Variants in SYNPR observed in about 807,000 individuals in gnomAD.
The protein encoded by SYNPR is synaptoporin.
A neutral mutation model predicts 32.9 loss-of-function variants in SYNPR; 23 were observed. The observed-to-expected ratio is 0.70, with a 90% CI of 0.50 to 0.99. SYNPR has a LOEUF of 0.99. Ranked by LOEUF, SYNPR falls within the 50% of genes least tolerant of loss-of-function variation. The pLI is 0.00. For synonymous variants in SYNPR, 146 were observed against 135.9 expected (o/e 1.07, Z -0.52); for missense variants, 318 against 349.3 (o/e 0.91, Z 0.71).
intron 2 of SYNPR, among the ~76,000 whole-genome samples, chr3:63,310,990 C>T (rs1387194432): frequency 1.2e-5 from 1 of 86,202 alleles, no homozygotes; most frequent in Non-Finnish European, 2.9e-5. Context: ...ACTCAGAAAA[C>T]ACATAGATGT....
intron 2 of SYNPR, among the ~76,000 whole-genome samples, chr3:63,471,194 T>C (rs1401965699): frequency 6.6e-6 from 1 of 152,194 alleles, no homozygotes. Context: ...TGAAATGGAA[T>C]GCAGGATGGA....
chr3:63,243,133 A>T (rs1308338742), intron 1 of SYNPR, among the ~76,000 whole-genome samples: 1 of 152,018 alleles, frequency 6.6e-6, no homozygotes, highest in African/African-American at 2.4e-5. Context: ...TAAAGTGAAT[A>T]TATGATATCT....
intron 3 of SYNPR, among the ~76,000 whole-genome samples, chr3:63,491,239 T>C (rs1297635751): frequency 6.6e-6 from 1 of 152,178 alleles, no homozygotes; most frequent in African/African-American, 2.4e-5. Flanking sequence ...AAACAAGTCA[T>C]TGCCCAAATC....
At chr3:63,448,702 C>T (rs1700325298) in intron 2 of SYNPR, among the ~76,000 whole-genome samples, 1 of 152,028 alleles carries the variant, frequency 6.6e-6, no homozygotes, top group Admixed American at 6.5e-5. Context: ...AGGATGCCTA[C>T]CATGTGCCAG....
intron 2 of SYNPR, among the ~76,000 whole-genome samples, chr3:63,343,424 G>T (rs2087394086): frequency 6.6e-6 from 1 of 152,204 alleles, no homozygotes; most frequent in South Asian, 2.1e-4. Flanking sequence ...TCTGTAAGAG[G>T]GTGGTGGTGT....
At chr3:63,451,621 T>A (rs1700381624) in intron 2 of SYNPR, among the ~76,000 whole-genome samples, 1 of 152,258 alleles carries the variant, frequency 6.6e-6, no homozygotes, top group East Asian at 1.9e-4. Flanking sequence ...TTACAGGACC[T>A]GGACCTTGCC....
chr3:63,444,154 G>A (rs189651797), intron 2 of SYNPR: 94 of 152,240 alleles, frequency 6.2e-4, no homozygotes, highest in African/African-American at 1.9e-3. Context: ...GCCCAGTCCG[G>A]GCTCCTGTGT....
intron 2 of SYNPR, among the ~76,000 whole-genome samples, chr3:63,333,198 C>T (rs1311615802): frequency 1.3e-5 from 2 of 151,978 alleles, no homozygotes; most frequent in African/African-American, 4.8e-5. Flanking sequence ...CTGATGAACT[C>T]TTCATTGATT....
chr3:63,442,372 C>T (rs952667944), intron 2 of SYNPR, among the ~76,000 whole-genome samples: 3 of 152,104 alleles, frequency 2.0e-5, no homozygotes, highest in African/African-American at 2.4e-5. Flanking sequence ...ATTCCCGCAC[C>T]GAGTGGGGAC....
intron 2 of SYNPR, among the ~76,000 whole-genome samples, chr3:63,363,521 A>G (rs548735315): frequency 5.9e-5 from 9 of 152,228 alleles, no homozygotes; most frequent in Non-Finnish European, 1.2e-4. Context: ...GAGGAAATGT[A>G]TTCATGATCT....
chr3:63,292,862 G>C (rs2086754178), intron 2 of SYNPR, among the ~76,000 whole-genome samples: 1 of 152,192 alleles, frequency 6.6e-6, no homozygotes, highest in Non-Finnish European at 1.5e-5. Context: ...TAACTGGAAT[G>C]AATTTGAGTG....
the SYNPR span, among the ~76,000 whole-genome samples, chr3:63,206,452 T>G: frequency 6.6e-6 from 1 of 152,142 alleles, no homozygotes; most frequent in Non-Finnish European, 1.5e-5. Flanking sequence ...TCCCAGCTAC[T>G]TGGGAGGCTG....
Position 63,278,423 on chromosome 3 carries a change from T to G in SYNPR, c.-111T>G. ...GCCCTCGCCGGGCTGCTCCAGGGTG[T>G]CGCTCCTCTGGCTGCTCCCGAAGGG... On this transcript the variant is annotated 5_prime_UTR_variant, in exon 1 of 6. Coordinates refer to ENST00000478300, the MANE Select transcript of SYNPR (RefSeq NM_001130003.2). 7.2e-7 allele frequency: 1 copy of G among 1,382,954 alleles called. No individual in the cohort carries two copies. Among genetic ancestry groups the G allele is most frequent in the Non-Finnish European group, 9.7e-7 (1 of 1,034,650 alleles). The allele number at this position is 1,382,954 out of a possible 1,614,324, so 85.7% of individuals were successfully genotyped here.
intron 2 of SYNPR, among the ~76,000 whole-genome samples, chr3:63,376,004 C>A (rs1330466831): frequency 6.6e-6 from 1 of 152,224 alleles, no homozygotes; most frequent in Admixed American, 6.5e-5. Flanking sequence ...CTCAACTAGA[C>A]AAGCCCCAAA....
intron 2 of SYNPR, among the ~76,000 whole-genome samples, chr3:63,461,067 C>T (rs1700575932): frequency 6.6e-6 from 1 of 151,712 alleles, no homozygotes; most frequent in Non-Finnish European, 1.5e-5. Context: ...TTGGGAGGTA[C>T]CATGGGCTGC....
Position 63,433,444 on chromosome 3 carries a change from C to T in SYNPR, c.85-47388C>T, listed in dbSNP as rs117441679. On this transcript the variant is annotated intron_variant, in intron 2 of 5. Coordinates refer to ENST00000478300, the MANE Select transcript of SYNPR (RefSeq NM_001130003.2). ...AAGAAAGAAAACTGGTTTTTCTCTG[C>T]GTGAGAATGAACAGTTCACATGGCA... Among the ~76,000 whole-genome samples the T allele has an allele frequency of 3.5e-3, 534 of 152,228 alleles. 7 individuals carry two copies. Among genetic ancestry groups the T allele is most frequent in the East Asian group, 0.034 (176 of 5,176 alleles).
At chr3:63,510,096 G>A (rs1701668962) in intron 3 of SYNPR, among the ~76,000 whole-genome samples, 1 of 152,076 alleles carries the variant, frequency 6.6e-6, no homozygotes, top group Admixed American at 6.6e-5. Context: ...GTATGTGGCA[G>A]TAGAAGGCAA....
chr3:63,443,382 T>C, intron 2 of SYNPR: 1 of 1,575,322 alleles, frequency 6.3e-7, no homozygotes, highest in Non-Finnish European at 8.6e-7. Flanking sequence ...AGCTTTATTT[T>C]TAGTATGAGA....
chr3:63,603,088 T>G (rs1224510382), intron 4 of SYNPR, among the ~76,000 whole-genome samples: 4 of 152,136 alleles, frequency 2.6e-5, no homozygotes, highest in Non-Finnish European at 4.4e-5. Context: ...TCCTAAGTAT[T>G]TTATTCTTTT....
Sources: allele counts gnomAD v4.1 joint callset (sites outside exome capture counted in the v4.1 genomes callset), GRCh38; gene constraint gnomAD v4.1.1; transcripts MANE v1.5; gene names NCBI Gene and HGNC (gene_info 2026-07-23, HGNC 2026-07-21).